Variants in PRR5L observed in about 807,000 individuals in gnomAD.
The protein encoded by PRR5L is proline rich 5 like.
PRR5L carries 21 observed loss-of-function variants against 36.4 expected under a neutral mutation model. The observed-to-expected ratio is 0.58, with a 90% CI of 0.41 to 0.83. The LOEUF is 0.83. PRR5L is among the 40% of genes least tolerant of loss of function. PRR5L has a pLI of 0.00. For missense variants in PRR5L, 381 were observed against 473.3 expected (o/e 0.80, Z 1.81); for synonymous variants, 188 against 197.0 (o/e 0.95, Z 0.38).
At chr11:36,461,548 G>C (rs539099846) in intron 8 of PRR5L, among the ~76,000 whole-genome samples, 1 of 152,188 alleles carries the variant, frequency 6.6e-6, no homozygotes, top group East Asian at 1.9e-4. Flanking sequence ...ACTTGAACCT[G>C]GGAAGCGGAG....
intron 1 of PRR5L, among the ~76,000 whole-genome samples, chr11:36,357,636 C>T (rs1857041502): frequency 6.6e-6 from 1 of 152,080 alleles, no homozygotes; most frequent in Non-Finnish European, 1.5e-5. Flanking sequence ...AACAAGAAGT[C>T]CAGATGACAG....
chr11:36,431,745 C>A (rs1590582398), intron 4 of PRR5L, 108 bp from the exon 5 acceptor site: 1 of 986,040 alleles, frequency 1.0e-6, no homozygotes, highest in Non-Finnish European at 1.6e-6. Flanking sequence ...ACGGCTAGAA[C>A]ACAAGTGCCT....
Position 36,371,957 on chromosome 11 carries a change from C to A in PRR5L, c.-125-29040C>A, listed in dbSNP as rs548367496. Among the ~76,000 whole-genome samples, 90 of 152,232 alleles carry A rather than the reference C, an allele frequency of 5.9e-4. 1 individual carries two copies. Among genetic ancestry groups the A allele is most frequent in the Middle Eastern group, 6.8e-3 (2 of 294 alleles). On this transcript the variant is annotated intron_variant, in intron 1 of 8. Transcript: ENST00000530639. ...CCTGTAATCCCAGCCACTTGGGAGG[C>A]TGAGGCAGGACAGTCACTTGAACCC... is the stretch of plus-strand genomic sequence containing the variant.
chr11:36,316,210 A>G (rs892733120), intron 1 of PRR5L, among the ~76,000 whole-genome samples: 3 of 152,206 alleles, frequency 2.0e-5, no homozygotes, highest in Non-Finnish European at 4.4e-5. Flanking sequence ...AAGCAGCAAT[A>G]AAGGATACAA....
At chr11:36,349,196 A>C (rs1351921697) in intron 1 of PRR5L, among the ~76,000 whole-genome samples, 1 of 151,032 alleles carries the variant, frequency 6.6e-6, no homozygotes, top group East Asian at 2.0e-4. Context: ...AGGCAGGAGA[A>C]TAGCTTGAAC....
At chr11:36,421,702 T>C (rs1467906578) in intron 4 of PRR5L, among the ~76,000 whole-genome samples, 2 of 152,202 alleles carry the variant, frequency 1.3e-5, no homozygotes, top group African/African-American at 4.8e-5. Flanking sequence ...CACAGATCAC[T>C]GAAATGATTT....
chr11:36,358,836 C>G (rs1227845869), intron 1 of PRR5L, among the ~76,000 whole-genome samples: 3 of 152,142 alleles, frequency 2.0e-5, no homozygotes, highest in Non-Finnish European at 2.9e-5. Flanking sequence ...GATGAAGATA[C>G]TGAAGAGGAA....
intron 3 of PRR5L, among the ~76,000 whole-genome samples, chr11:36,415,669 G>A (rs1590560454): frequency 6.6e-6 from 1 of 152,210 alleles, no homozygotes. Context: ...GCTTGAGCCC[G>A]GGAGGCAGAG....
intron 1 of PRR5L, among the ~76,000 whole-genome samples, chr11:36,325,823 C>A (rs79529698): frequency 0.093 from 14,187 of 152,072 alleles, 1,180 homozygotes; most frequent in African/African-American, 0.23. Context: ...TGGCAATTAC[C>A]GTTGTTTTTC....
chr11:36,424,363 C>T (rs1421624670), intron 4 of PRR5L, among the ~76,000 whole-genome samples: 9 of 152,264 alleles, frequency 5.9e-5, no homozygotes, highest in Non-Finnish European at 1.5e-5. Flanking sequence ...TGGTATTCTA[C>T]ACAAGTATGT....
rs192925503 is a variant in PRR5L at position 36,298,920 on chromosome 11, A to G, written c.-126+2482A>G. Among the ~76,000 whole-genome samples the G allele has an allele frequency of 2.3e-3, 354 of 152,274 alleles. 2 individuals carry two copies. Among genetic ancestry groups the G allele is most frequent in the African/African-American group, 8.2e-3 (340 of 41,562 alleles). On this transcript the variant is annotated intron_variant, in intron 1 of 8. Transcript: ENST00000530639. ...GTGCAAATGTCCTCTTCTTATAAGG[A>G]CAGCAGTCAGAGAGGATTAAGGCCT...
intron 1 of PRR5L, among the ~76,000 whole-genome samples, chr11:36,334,570 C>A (rs1225947115): frequency 6.6e-6 from 1 of 152,222 alleles, no homozygotes; most frequent in Non-Finnish European, 1.5e-5. Flanking sequence ...TCCCCTCCCT[C>A]TTTGCCTGGT....
intron 3 of PRR5L, among the ~76,000 whole-genome samples, chr11:36,413,540 T>C (rs1390207151): frequency 6.6e-6 from 1 of 152,148 alleles, no homozygotes; most frequent in African/African-American, 2.4e-5. Context: ...TCTCCACCCC[T>C]GTATCCCAGA....
At chr11:36,317,659 A>T (rs374386860) in intron 1 of PRR5L, among the ~76,000 whole-genome samples, 1 of 152,212 alleles carries the variant, frequency 6.6e-6, no homozygotes, top group African/African-American at 2.4e-5. Flanking sequence ...CTTAGTAGAC[A>T]CTAGGTAGTT....
chr11:36,313,574 C>T (rs943594808), intron 1 of PRR5L, among the ~76,000 whole-genome samples: 1 of 152,138 alleles, frequency 6.6e-6, no homozygotes, highest in Non-Finnish European at 1.5e-5. Context: ...GGGAGTGGGG[C>T]AGAGATGCTC....
chr11:36,356,094 TA>T lies in PRR5L; in HGVS notation c.-125-44902del, dbSNP rs1289186030. On this transcript the variant is annotated intron_variant, in intron 1 of 8. Coordinates refer to ENST00000530639, the MANE Select transcript of PRR5L (RefSeq NM_001160167.2). ...GCTCAGCTAATTTTTGTATTTTTTG[TA>T]GAGTCTAGGTTTCACCATGTTGCCT... Among the ~76,000 whole-genome samples the T allele has an allele frequency of 2.6e-5, 4 of 151,822 alleles. No individual in the cohort carries two copies. In the East Asian group the frequency reaches 7.8e-4, roughly 29 times the overall value.
chr11:36,391,256 G>A (rs1215066355), intron 1 of PRR5L, among the ~76,000 whole-genome samples: 2 of 152,184 alleles, frequency 1.3e-5, no homozygotes, highest in African/African-American at 2.4e-5. Context: ...CAGAGTCAAA[G>A]GTTGGAGCCC....
In PRR5L at chr11:36,344,726, T is replaced by C. The variant is rs2133483221; in HGVS notation, c.-126+48288T>C. ...AAAAATGAGCATTACTTTTCAAGAC[T>C]GAGATTAAAAAATCAAGATAAATGA... On this transcript the variant is annotated intron_variant, in intron 1 of 8. Coordinates refer to ENST00000530639, the MANE Select transcript of PRR5L (RefSeq NM_001160167.2). This position sits in a 1 kb window ranked among gnomAD's most constrained non-coding sequence, Gnocchi z 4.1. Among the ~76,000 whole-genome samples, 1 of 152,280 alleles carries C rather than the reference T, an allele frequency of 6.6e-6. No homozygotes were observed. Among genetic ancestry groups the C allele is most frequent in the African/African-American group, 2.4e-5 (1 of 41,558 alleles).
intron 8 of PRR5L, chr11:36,455,443 C>G (rs1198854770): frequency 6.5e-6 from 1 of 153,162 alleles, no homozygotes; most frequent in Non-Finnish European, 1.5e-5. Context: ...CAGCAGGGCT[C>G]CTGGTGAGTG....
Sources: gnomAD v4.1 joint callset for allele counts (sites outside exome capture counted in the v4.1 genomes callset) on GRCh38, gnomAD v4.1.1 for gene constraint, Gnocchi (gnomAD v3.1) non-coding constraint, MANE v1.5 for transcripts, NCBI Gene and HGNC (gene_info 2026-07-23, HGNC 2026-07-21) for gene names.